MALRD1: variants seen among roughly 807,000 people sequenced by gnomAD.
MALRD1 encodes the protein MAM and LDL receptor class A domain containing 1.
In MALRD1, 247 loss-of-function variants were observed where a neutral mutation model predicts 242.1. That is an observed-to-expected ratio of 1.02 (90% CI 0.92 to 1.13). MALRD1 has a LOEUF of 1.13. MALRD1 is among the 50% of genes most tolerant of loss of function. MALRD1 has a pLI of 0.00. For synonymous variants in MALRD1, 995 were observed against 866.6 expected (o/e 1.15, Z -2.60); for missense variants, 2,989 against 2,533.1 (o/e 1.18, Z -3.86).
At chr10:19,175,084 T>G (rs1476910068) in intron 13 of MALRD1, 124 bp from the exon 14 acceptor site, 1 of 663,722 alleles carries the variant, frequency 1.5e-6, no homozygotes, top group East Asian at 3.8e-5. Flanking sequence ...GTCAGAACAG[T>G]TTTCTAAAAT....
At chr10:19,242,542 T>G (rs914530113) in intron 18 of MALRD1, among the ~76,000 whole-genome samples, 1 of 152,144 alleles carries the variant, frequency 6.6e-6, no homozygotes, top group East Asian at 1.9e-4. Context: ...TAATATTGTA[T>G]TGCAGTCTAT....
At chr10:19,476,141 A>G (rs1450476420) in intron 29 of MALRD1, among the ~76,000 whole-genome samples, 1 of 152,172 alleles carries the variant, frequency 6.6e-6, no homozygotes. Context: ...ACAATTGTGG[A>G]AGCCATCCTT....
At chr10:19,230,278 G>A (rs772770806) in intron 18 of MALRD1, among the ~76,000 whole-genome samples, 1 of 152,064 alleles carries the variant, frequency 6.6e-6, no homozygotes, top group Admixed American at 6.6e-5. Flanking sequence ...TAGCCCATTT[G>A]CATTGTTATA....
At chr10:19,389,129 C>T in intron 27 of MALRD1, 1 of 402,984 alleles carries the variant, frequency 2.5e-6, no homozygotes, top group East Asian at 6.6e-5. Flanking sequence ...GTAGTCTTTA[C>T]ATTATTTTAC....
intron 2 of MALRD1, among the ~76,000 whole-genome samples, chr10:19,084,395 T>G (rs1474659722): frequency 6.6e-6 from 1 of 151,966 alleles, no homozygotes; most frequent in Non-Finnish European, 1.5e-5. Context: ...GATCTTGTTT[T>G]GATGATCCAT....
chr10:19,602,210 T>A (rs1589293079), intron 34 of MALRD1, among the ~76,000 whole-genome samples: 1 of 150,680 alleles, frequency 6.6e-6, no homozygotes, highest in South Asian at 2.1e-4. Context: ...TTTTTTTTTT[T>A]TATACTTTAA....
chr10:19,121,171 G>A (rs1416810120), intron 5 of MALRD1, among the ~76,000 whole-genome samples: 3 of 151,300 alleles, frequency 2.0e-5, no homozygotes, highest in African/African-American at 7.3e-5. Flanking sequence ...AGATTTCCTG[G>A]CTGGGATTAC....
chr10:19,243,651 C>T (rs1047738115), intron 18 of MALRD1, among the ~76,000 whole-genome samples: 3 of 152,050 alleles, frequency 2.0e-5, no homozygotes, highest in African/African-American at 7.2e-5. Context: ...TTTGTTTATA[C>T]AGCTGCACAA....
At chr10:19,277,197 A>G (rs1840573077) in intron 19 of MALRD1, among the ~76,000 whole-genome samples, 1 of 152,136 alleles carries the variant, frequency 6.6e-6, no homozygotes, top group Non-Finnish European at 1.5e-5. Context: ...AAGTGCTGGG[A>G]TTATAGGTGT....
At chr10:19,456,782 T>TATTTATTTATTA (rs879583767) in intron 29 of MALRD1, among the ~76,000 whole-genome samples, 2,168 of 148,806 alleles carry the variant, frequency 0.015, 40 homozygotes, top group African/African-American at 0.052. Flanking sequence ...TTTATTTATT[T>TATTTATTTATTA]ATTTATTTTG....
chr10:19,355,936 A>G (rs1193511126), intron 26 of MALRD1, among the ~76,000 whole-genome samples: 3 of 147,248 alleles, frequency 2.0e-5, no homozygotes, highest in Non-Finnish European at 4.5e-5. Context: ...CATATATAAT[A>G]TATATATGCT....
intron 10 of MALRD1, among the ~76,000 whole-genome samples, chr10:19,138,192 T>C (rs1237421871): frequency 6.6e-6 from 1 of 152,040 alleles, no homozygotes. Context: ...GGCTAACCAG[T>C]GTGAGCTCAA....
At chr10:19,622,356 GA>G (rs890861984) in intron 36 of MALRD1, among the ~76,000 whole-genome samples, 2 of 151,406 alleles carry the variant, frequency 1.3e-5, no homozygotes, top group Non-Finnish European at 3.0e-5. Context: ...AGGAAAAAAT[GA>G]AAAAACTCTA....
chr10:19,071,259 C>A (rs1835137976), intron 2 of MALRD1, among the ~76,000 whole-genome samples: 1 of 151,970 alleles, frequency 6.6e-6, no homozygotes, highest in Non-Finnish European at 1.5e-5. Context: ...TCCATTTTGG[C>A]CAGAGACTTG....
intron 2 of MALRD1, among the ~76,000 whole-genome samples, chr10:19,075,110 G>C (rs1286645686): frequency 6.6e-6 from 1 of 151,916 alleles, no homozygotes; most frequent in Non-Finnish European, 1.5e-5. Context: ...AATTAATCCA[G>C]GAAGTTTAAA....
chr10:19,085,864 A>G (rs1462762124), intron 2 of MALRD1, among the ~76,000 whole-genome samples: 9 of 152,024 alleles, frequency 5.9e-5, no homozygotes, highest in African/African-American at 2.2e-4. Flanking sequence ...TCTTTTTAGT[A>G]GTTGAATATT....
intron 2 of MALRD1, among the ~76,000 whole-genome samples, chr10:19,077,016 C>A (rs1202797542): frequency 6.6e-6 from 1 of 151,870 alleles, no homozygotes; most frequent in Non-Finnish European, 1.5e-5. Flanking sequence ...GATTTTTACT[C>A]ATTAAAGTTA....
chr10:19,049,167 A>T, intron 1 of MALRD1, 30 bp downstream of exon 1: 5 of 1,233,026 alleles, frequency 4.1e-6, no homozygotes, highest in Non-Finnish European at 5.1e-6. Flanking sequence ...CTCCAATTTC[A>T]ATTCCCCGTA....
At chr10:19,562,578 G>A (rs542972473) in intron 32 of MALRD1, among the ~76,000 whole-genome samples, 5 of 152,194 alleles carry the variant, frequency 3.3e-5, no homozygotes, top group Non-Finnish European at 7.4e-5. Flanking sequence ...CTAGTACATT[G>A]TGGTTCCATG....
Sources: gnomAD v4.1 joint callset for allele counts (sites outside exome capture counted in the v4.1 genomes callset) on GRCh38, gnomAD v4.1.1 for gene constraint, MANE v1.5 for transcripts, NCBI Gene and HGNC (gene_info 2026-07-23, HGNC 2026-07-21) for gene names.